NUP107: variants seen among roughly 807,000 people sequenced by gnomAD.
NUP107 encodes the protein nucleoporin 107, also known as nuclear pore complex protein Nup107.
In NUP107, 101 loss-of-function variants were observed where a neutral mutation model predicts 141.0. The observed-to-expected ratio is 0.72, with a 90% confidence interval of 0.61 to 0.84. The LOEUF is 0.84. Among genes scored for constraint, NUP107 ranks in the 40% least tolerant of loss-of-function variants. The pLI is 0.00. For missense variants in NUP107, 941 were observed against 1,102.7 expected, an observed-to-expected ratio of 0.85 and a Z score of 2.08; for synonymous variants, 319 against 363.9, an observed-to-expected ratio of 0.88 and a Z score of 1.41.
At chr12:68,693,119 C>T (rs1875896832) in intron 5 of NUP107, among the ~76,000 whole-genome samples, 1 of 151,120 alleles carries the variant, frequency 6.6e-6, no homozygotes, top group Admixed American at 6.6e-5. Flanking sequence ...ACTCTGTTGC[C>T]CAGACTGGAG....
chr12:68,691,079 A>G (rs1407440493), intron 4 of NUP107, among the ~76,000 whole-genome samples: 1 of 152,168 alleles, frequency 6.6e-6, no homozygotes. Flanking sequence ...CCCTTTTTAT[A>G]AAAATATGAT....
At chr12:68,714,690 G>A (rs1189379560) in intron 11 of NUP107, among the ~76,000 whole-genome samples, 1 of 152,190 alleles carries the variant, frequency 6.6e-6, no homozygotes, top group African/African-American at 2.4e-5. Context: ...GATCATGTGT[G>A]CTGTTTGCTG....
At chr12:68,687,717 T>G (rs975974636) in intron 1 of NUP107, 1 of 872,962 alleles carries the variant, frequency 1.1e-6, no homozygotes, top group Non-Finnish European at 1.4e-6. Context: ...AAACATTGAG[T>G]ACCTACTATG....
chr12:68,725,634 C>T lies in NUP107; in HGVS notation c.1507-93C>T. 3 of 676,090 alleles carry T rather than the reference C, an allele frequency of 4.4e-6. No individual in the cohort carries two copies. The South Asian group carries it at 5.1e-5, about 12-fold the overall frequency. 41.9% of individuals were successfully genotyped at this position (676,090 alleles called of 1,614,324 possible). A position where few individuals can be genotyped will look rare whatever the true frequency, so the allele number is the denominator to read the frequency against. The stretch of plus-strand genomic sequence containing the variant: ...TCCAGCTTTTTCTTTCTATATGTTC[C>T]TTCAAAAGTTTAACATTTTTAGTTT... On this transcript the variant is annotated intron_variant, in intron 17 of 27. Transcript: ENST00000229179.
chr12:68,689,800 A>T (rs954003774), intron 3 of NUP107, 181 bp downstream of exon 3: 20 of 518,344 alleles, frequency 3.9e-5, no homozygotes, highest in Non-Finnish European at 6.4e-5. Context: ...TTCCATAAAC[A>T]CACGGTAACT....
chr12:68,742,058 G>A (rs147511914), intron 27 of NUP107, 78 bp downstream of exon 27: 2 of 1,141,560 alleles, frequency 1.8e-6, no homozygotes, highest in South Asian at 1.8e-5. Flanking sequence ...GTGAAGATGT[G>A]TTTACATTTG....
Position 68,696,895 on chromosome 12 carries a change from A to G in NUP107, c.525A>G (p.Glu175=), listed in dbSNP as rs1279833032. 1 of 1,608,922 alleles carries G rather than the reference A, an allele frequency of 6.2e-7. No individual in the cohort carries two copies. The highest frequency in any genetic ancestry group is 2.2e-5 in the East Asian group (1 of 44,786). The part of the protein sequence containing the change: ...HSSSTVFDLV[E]EYENICGSQV... ...CGAGTACAGTTTTTGATCTTGTGGA[A>G]GAGTATGAAAACATCTGTGGTAGTC... The change falls in exon 6 of 28, where the codon GAA becomes GAG. Residue 175 remains glutamate (E), a synonymous_variant. Transcript: ENST00000229179.
rs1211966981 is a variant in NUP107, at chr12:68,710,044, A to T, written c.841A>T (p.Ile281Phe). Residue 281 changes from isoleucine to phenylalanine, a missense_variant, in exon 10 of 28, where the codon ATT becomes TTT. Coordinates refer to ENST00000229179, the MANE Select transcript of NUP107 (RefSeq NM_020401.4). ...GTTAGAGAGTATTGCCAAAGATGAA[A>T]TTGGAGAATTTTCTGATAATATTGA... The part of the protein sequence containing the change: ...DWLESIAKDE[I>F]GEFSDNIEFY... 1.2e-6 allele frequency: 2 copies of T among 1,601,160 alleles called. No individual in the cohort carries two copies. The highest frequency in any genetic ancestry group is 1.7e-6 in the Non-Finnish European group (2 of 1,170,036).
At chr12:68,731,955 A>G (rs1029836161) in intron 22 of NUP107, among the ~76,000 whole-genome samples, 2 of 152,190 alleles carry the variant, frequency 1.3e-5, no homozygotes, top group Non-Finnish European at 2.9e-5. Flanking sequence ...GTTGCTCATC[A>G]GGTTATTTTA....
chr12:68,695,793 A>G (rs939655287), intron 5 of NUP107, among the ~76,000 whole-genome samples: 1 of 152,196 alleles, frequency 6.6e-6, no homozygotes, highest in Non-Finnish European at 1.5e-5. Context: ...CTTTAATCCT[A>G]CCACTTTGGG....
At chr12:68,731,487 T>A in intron 21 of NUP107, 120 bp from the exon 22 acceptor site, 1 of 613,238 alleles carries the variant, frequency 1.6e-6, no homozygotes, top group Non-Finnish European at 2.6e-6. Flanking sequence ...TCTTTCATAT[T>A]TTACATATTT....
intron 17 of NUP107, among the ~76,000 whole-genome samples, chr12:68,722,396 A>T (rs1877393580): frequency 6.6e-6 from 1 of 152,150 alleles, no homozygotes. Flanking sequence ...TTTAAAATTT[A>T]AAACACATTA....
chr12:68,709,673 G>A (rs982293437), intron 9 of NUP107, among the ~76,000 whole-genome samples: 3 of 151,746 alleles, frequency 2.0e-5, no homozygotes, highest in Non-Finnish European at 2.9e-5. Context: ...GGCAGATCTC[G>A]AGGTCAGGAG....
intron 8 of NUP107, among the ~76,000 whole-genome samples, chr12:68,703,726 G>T (rs1049570933): frequency 2.0e-5 from 3 of 152,074 alleles, no homozygotes; most frequent in African/African-American, 7.2e-5. Flanking sequence ...TGGGATTACA[G>T]GTGTGAGCCA....
intron 26 of NUP107, among the ~76,000 whole-genome samples, chr12:68,736,717 CTTTTTTTTTTTT>C (rs10713889): frequency 1.9e-5 from 2 of 105,894 alleles, no homozygotes; most frequent in Non-Finnish European, 3.7e-5. Flanking sequence ...GTGTCGCCAC[CTTTTTTTTTTTT>C]TTTTTTTTTT....
intron 7 of NUP107, among the ~76,000 whole-genome samples, chr12:68,702,505 T>G (rs1876379143): frequency 6.6e-6 from 1 of 152,172 alleles, no homozygotes. Flanking sequence ...CCTCAAGTGA[T>G]CTGCCTGTCT....
intron 26 of NUP107, among the ~76,000 whole-genome samples, chr12:68,737,203 T>C (rs1262297278): frequency 2.0e-5 from 3 of 152,228 alleles, no homozygotes; most frequent in Non-Finnish European, 2.9e-5. Flanking sequence ...CATACATCTT[T>C]GCTATTCTAA....
chr12:68,737,107 A>G (rs1878108781), intron 26 of NUP107, among the ~76,000 whole-genome samples: 2 of 152,208 alleles, frequency 1.3e-5, no homozygotes, highest in South Asian at 4.1e-4. Flanking sequence ...ATTCATGCTG[A>G]TTCTCTTGAA....
chr12:68,732,389 G>T (rs898706160), intron 22 of NUP107, among the ~76,000 whole-genome samples: 2 of 152,166 alleles, frequency 1.3e-5, no homozygotes, highest in African/African-American at 4.8e-5. Flanking sequence ...GCTCGCCTGG[G>T]CTTCCCAAAG....
Sources: gnomAD v4.1 joint callset for allele counts (sites outside exome capture counted in the v4.1 genomes callset) on GRCh38, gnomAD v4.1.1 for gene constraint, MANE v1.5 for transcripts, NCBI Gene and HGNC (gene_info 2026-07-23, HGNC 2026-07-21) for gene names.